LOC728392: variants seen among roughly 807,000 people sequenced by gnomAD.
the LOC728392 span, chr17:5,500,692 C>G: frequency 7.9e-7 from 1 of 1,270,632 alleles, no homozygotes; most frequent in East Asian, 7.7e-5. The surrounding 1 kb of genome is among the most constrained non-coding windows in gnomAD (Gnocchi z 5.4). Flanking sequence ...GGAAAATGGT[C>G]GAGATAGCAG....
At chr17:5,500,557 C>A in the LOC728392 span, 4 of 1,213,728 alleles carry the variant, frequency 3.3e-6, no homozygotes, top group African/African-American at 1.7e-5. This position sits in a 1 kb window ranked among gnomAD's most constrained non-coding sequence, Gnocchi z 5.4. Context: ...CCTTTCCCTC[C>A]CCGCTCGGTC....
At chr17:5,499,475 A>G in the LOC728392 span, 1 of 152,276 alleles carries the variant, frequency 6.6e-6, no homozygotes, top group Non-Finnish European at 1.5e-5. Flanking sequence ...CATCACAATT[A>G]CAGATTACAG....
chr17:5,500,963 G>C, the LOC728392 span: 4 of 1,245,312 alleles, frequency 3.2e-6, no homozygotes, highest in African/African-American at 6.5e-5. This position sits in a 1 kb window ranked among gnomAD's most constrained non-coding sequence, Gnocchi z 5.4. Context: ...CCATGGGCAG[G>C]ATCGCGGGTA....
chr17:5,500,945 C>T, the LOC728392 span: 1 of 1,253,418 alleles, frequency 8.0e-7, no homozygotes, highest in Non-Finnish European at 1.0e-6. This position sits in a 1 kb window ranked among gnomAD's most constrained non-coding sequence, Gnocchi z 5.4. Context: ...GCCGAAAGAG[C>T]CCGTCAGCCA....
At chr17:5,500,356 A>C in the LOC728392 span, 1 of 1,048,950 alleles carries the variant, frequency 9.5e-7, no homozygotes, top group Non-Finnish European at 1.2e-6. The surrounding 1 kb of genome is among the most constrained non-coding windows in gnomAD (Gnocchi z 5.4). Flanking sequence ...TCACACCCCA[A>C]AATTCTAAAC....
chr17:5,500,845 G>T, the LOC728392 span: 1 of 1,213,460 alleles, frequency 8.2e-7, no homozygotes, highest in Non-Finnish European at 1.1e-6. The surrounding 1 kb of genome is among the most constrained non-coding windows in gnomAD (Gnocchi z 5.4). Flanking sequence ...CTGGGCCCGC[G>T]GGCAGCGGGA....
the LOC728392 span, chr17:5,499,657 G>A: frequency 3.2e-6 from 2 of 627,118 alleles, no homozygotes; most frequent in African/African-American, 2.0e-5. Flanking sequence ...TTTCCCGCAC[G>A]AACTCTTGTC....
At chr17:5,500,942 G>A in the LOC728392 span, 5 of 1,253,694 alleles carry the variant, frequency 4.0e-6, no homozygotes, top group Non-Finnish European at 5.2e-6. This position sits in a 1 kb window ranked among gnomAD's most constrained non-coding sequence, Gnocchi z 5.4. Flanking sequence ...TGCGCCGAAA[G>A]AGCCCGTCAG....
At chr17:5,500,819 C>T in the LOC728392 span, 4 of 1,176,594 alleles carry the variant, frequency 3.4e-6, no homozygotes, top group African/African-American at 5.0e-5. This position sits in a 1 kb window ranked among gnomAD's most constrained non-coding sequence, Gnocchi z 5.4. Flanking sequence ...CCTTCTTGCC[C>T]GCGGCCGACG....
the LOC728392 span, chr17:5,500,256 C>T: frequency 6.5e-5 from 65 of 997,856 alleles, no homozygotes; most frequent in Non-Finnish European, 7.5e-5. The surrounding 1 kb of genome is among the most constrained non-coding windows in gnomAD (Gnocchi z 5.4). Context: ...TCTGAGCTCC[C>T]CAAACACAAA....
the LOC728392 span, chr17:5,500,961 A>G: frequency 1.6e-6 from 2 of 1,245,650 alleles, no homozygotes; most frequent in South Asian, 1.3e-5. This position sits in a 1 kb window ranked among gnomAD's most constrained non-coding sequence, Gnocchi z 5.4. Context: ...AGCCATGGGC[A>G]GGATCGCGGG....
chr17:5,500,305 G>A, the LOC728392 span: 1 of 1,015,050 alleles, frequency 9.9e-7, no homozygotes, highest in Non-Finnish European at 1.2e-6. This position sits in a 1 kb window ranked among gnomAD's most constrained non-coding sequence, Gnocchi z 5.4. Flanking sequence ...GTCACAGAGT[G>A]GTAGGGGTCC....
the LOC728392 span, chr17:5,500,416 G>C: frequency 9.1e-7 from 1 of 1,101,300 alleles, no homozygotes; most frequent in Non-Finnish European, 1.1e-6. The surrounding 1 kb of genome is among the most constrained non-coding windows in gnomAD (Gnocchi z 5.4). Flanking sequence ...TTTCATTGCC[G>C]GCAGCTACTT....
chr17:5,500,693 G>C, the LOC728392 span: 2 of 1,269,010 alleles, frequency 1.6e-6, no homozygotes, highest in Non-Finnish European at 2.1e-6. The surrounding 1 kb of genome is among the most constrained non-coding windows in gnomAD (Gnocchi z 5.4). Context: ...GAAAATGGTC[G>C]AGATAGCAGC....
the LOC728392 span, chr17:5,500,388 G>T: frequency 1.8e-6 from 2 of 1,083,592 alleles, no homozygotes; most frequent in South Asian, 2.3e-5. The surrounding 1 kb of genome is among the most constrained non-coding windows in gnomAD (Gnocchi z 5.4). Flanking sequence ...TAACCTGCAG[G>T]TGCAAACAGC....
the LOC728392 span, chr17:5,499,860 G>C: frequency 2.0e-6 from 2 of 985,904 alleles, no homozygotes; most frequent in South Asian, 9.4e-5. Flanking sequence ...CACAGGTCCC[G>C]CGAGTCCCGG....
chr17:5,500,753 C>T, the LOC728392 span: 1 of 1,225,756 alleles, frequency 8.2e-7, no homozygotes. The surrounding 1 kb of genome is among the most constrained non-coding windows in gnomAD (Gnocchi z 5.4). Context: ...GCGATGCGGC[C>T]TTCGGGGGCT....
chr17:5,500,942 G>C, the LOC728392 span: 274,327 of 1,251,778 alleles, frequency 0.22, 31,609 homozygotes, highest in African/African-American at 0.37. The surrounding 1 kb of genome is among the most constrained non-coding windows in gnomAD (Gnocchi z 5.4). Context: ...TGCGCCGAAA[G>C]AGCCCGTCAG....
At chr17:5,500,669 G>C in the LOC728392 span, 1 of 1,273,668 alleles carries the variant, frequency 7.9e-7, no homozygotes, top group Admixed American at 2.6e-5. This position sits in a 1 kb window ranked among gnomAD's most constrained non-coding sequence, Gnocchi z 5.4. Context: ...CGTAGATGAA[G>C]ATGGAGAGGT....
Sources: allele counts gnomAD v4.1 joint callset, GRCh38; gene constraint gnomAD v4.1.1; non-coding constraint Gnocchi (gnomAD v3.1); transcripts MANE v1.5.